COPB2: variants seen among roughly 807,000 people sequenced by gnomAD.
COPB2 encodes coat protein complex I subunit beta 2.
In COPB2, 16 loss-of-function variants were observed where a neutral mutation model predicts 120.8. The observed-to-expected ratio is 0.13, with a 90% CI of 0.09 to 0.20. The LOEUF (loss-of-function observed/expected upper bound fraction) is 0.20, where lower values mean the gene tolerates loss of function less well. Ranked by LOEUF, COPB2 falls within the 10% of genes least tolerant of loss-of-function variation. The pLI is 1.00. For synonymous variants in COPB2, 332 were observed against 366.3 expected, an observed-to-expected ratio of 0.91 and a Z score of 1.07; for missense variants, 794 against 1,076.5, an observed-to-expected ratio of 0.74 and a Z score of 3.67.
At chr3:139,358,405 A>T in intron 20 of COPB2, 134 bp from the exon 21 acceptor site, 1 of 769,658 alleles carries the variant, frequency 1.3e-6, no homozygotes, top group Non-Finnish European at 2.2e-6. Context: ...TCAGCCAGGC[A>T]CAGTGGCTCA....
rs1359646136 is a variant in COPB2, at chr3:139,357,610, G to GAGAT, written c.*249_*252dup. ...CCTTCATTAATTCAAAAGGTTTTATGAGATATGGTCTAATAGTATGAAAAA... is the reference window on the plus strand; with the variant it reads ...CCTTCATTAATTCAAAAGGTTTTATGAGATAGATATGGTCTAATAGTATGAAAAA... On this transcript the variant is annotated 3_prime_UTR_variant, in exon 22 of 22. Coordinates refer to ENST00000333188, the MANE Select transcript of COPB2 (RefSeq NM_004766.3). 3 of 320,610 alleles carry GAGAT rather than the reference G, an allele frequency of 9.4e-6. No homozygotes were observed. Among genetic ancestry groups the GAGAT allele is most frequent in the African/African-American group, 2.1e-5 (1 of 46,810 alleles). The allele number at this position is 320,610 out of a possible 1,614,324, so 19.9% of individuals were successfully genotyped here.
chr3:139,360,300 G>C (rs527592801), intron 17 of COPB2, among the ~76,000 whole-genome samples: 13 of 152,044 alleles, frequency 8.6e-5, no homozygotes, highest in Admixed American at 3.3e-4. Flanking sequence ...GAGGCAGGCG[G>C]ATCATTTGAG....
intron 1 of COPB2, among the ~76,000 whole-genome samples, chr3:139,383,718 T>C (rs1941855665): frequency 6.6e-6 from 1 of 152,206 alleles, no homozygotes; most frequent in Non-Finnish European, 1.5e-5. Flanking sequence ...CTTTTGTTTA[T>C]GTGAGTTTTA....
chr3:139,367,182 A>C, intron 13 of COPB2, 37 bp from the exon 14 acceptor site: 1 of 1,603,654 alleles, frequency 6.2e-7, no homozygotes, highest in Non-Finnish European at 8.5e-7. Flanking sequence ...ACTTTATCCA[A>C]CATCAGAAAT....
At chr3:139,369,610 G>T in intron 10 of COPB2, 66 bp from the exon 11 acceptor site, 4 of 946,528 alleles carry the variant, frequency 4.2e-6, no homozygotes, top group South Asian at 1.7e-5. Flanking sequence ...ACCAAATGTT[G>T]GAAATATCTT....
chr3:139,358,093 T>C, intron 21 of COPB2, 107 bp downstream of exon 21: 1 of 1,109,498 alleles, frequency 9.0e-7, no homozygotes, highest in Admixed American at 2.1e-5. Context: ...TCAAAGCCCC[T>C]GCTCTGAAAC....
At chr3:139,383,208 C>T (rs564923124) in intron 2 of COPB2, 90 bp downstream of exon 2, 2 of 1,456,680 alleles carry the variant, frequency 1.4e-6, no homozygotes, top group Non-Finnish European at 1.9e-6. Flanking sequence ...CATATAGATT[C>T]TGGATTCTGT....
intron 2 of COPB2, chr3:139,380,757 A>G (rs557315488): frequency 7.2e-5 from 11 of 152,318 alleles, no homozygotes; most frequent in African/African-American, 2.4e-4. Context: ...CAAAGGCTGA[A>G]TGAGTAGGCA....
At position 139,373,436 on chromosome 3, in the gene COPB2, C is replaced by T. The variant is rs761883666; in HGVS notation, c.895-24G>A. On this transcript the variant is annotated intron_variant, in intron 8 of 21. Transcript: ENST00000333188. ...AGCTGAAAGAAAGAAAAATAGCTCT[C>T]AGCAATGAAAAGGAAAATGAATAAA... The T allele has an allele frequency of 1.1e-5, 18 of 1,612,196 alleles. No homozygotes were observed. The highest frequency in any genetic ancestry group is 3.3e-5 in the Admixed American group (2 of 59,822).
At chr3:139,360,517 CAAAA>C (rs11439096) in intron 17 of COPB2, among the ~76,000 whole-genome samples, 2 of 88,398 alleles carry the variant, frequency 2.3e-5, no homozygotes, top group African/African-American at 5.0e-5. Context: ...GATTCCATCT[CAAAA>C]AAAAAAAAAA....
At chr3:139,367,261 C>T in intron 13 of COPB2, 116 bp from the exon 14 acceptor site, 6 of 1,238,460 alleles carry the variant, frequency 4.8e-6, no homozygotes, top group South Asian at 1.8e-5. Context: ...TAAAATCCTT[C>T]CTATTTCTAG....
chr3:139,377,831 G>A (rs763268092), intron 5 of COPB2, among the ~76,000 whole-genome samples: 5 of 152,134 alleles, frequency 3.3e-5, no homozygotes, highest in Admixed American at 1.3e-4. Context: ...ACAGAAAAAC[G>A]CTCCTCATTA....
At chr3:139,370,505 G>GA (rs1382392414) in intron 10 of COPB2, among the ~76,000 whole-genome samples, 1 of 152,212 alleles carries the variant, frequency 6.6e-6, no homozygotes, top group East Asian at 1.9e-4. Context: ...CAGATCGGGG[G>GA]ATCGCTGTAC....
intron 1 of COPB2, chr3:139,385,191 C>T (rs1192625895): frequency 2.0e-5 from 3 of 152,354 alleles, no homozygotes; most frequent in African/African-American, 4.8e-5. Context: ...GCGCATGCTA[C>T]CATGCCCAGC....
At position 139,373,216 on chromosome 3, in the gene COPB2, C is replaced by T; in HGVS notation, c.1091G>A (p.Gly364Glu). 1 of 1,613,888 alleles carries T rather than the reference C, an allele frequency of 6.2e-7. No individual in the cohort carries two copies. The highest frequency in any genetic ancestry group is 8.5e-7 in the Non-Finnish European group (1 of 1,179,828). ...YPQTIQHNPN[G>E]RFVVVCGDGE... ...GACAATTTTGGTGATGGCTTACCGC[C>T]CATTAGGATTGTGCTGAATAGTCTG... Residue 364 changes from glycine (G) to glutamate (E), a missense_variant, in exon 9 of 22, where the codon GGG (glycine) becomes GAG (glutamate). Around this residue, in one of 3 missense-constraint regions of COPB2, gnomAD observed 610 missense variants for 866.7 expected, o/e 0.70. Transcript: ENST00000333188.
rs143595739 is a variant in COPB2, at chr3:139,358,857, A to G, written c.2485-45T>C. 3.0e-4 allele frequency: 469 copies of G among 1,571,968 alleles called. 1 individual carries two copies. In the African/African-American group the frequency reaches 5.2e-3, roughly 17 times the overall value. The stretch of plus-strand genomic sequence containing the variant: ...TGATGAAATGAGATATTCTGAAATC[A>G]TAATTTACCTATGAACTTGGCCTAA... On this transcript the variant is annotated intron_variant, in intron 19 of 21. Transcript: ENST00000333188.
intron 5 of COPB2, among the ~76,000 whole-genome samples, chr3:139,377,525 G>A (rs747741410): frequency 5.3e-5 from 8 of 152,306 alleles, no homozygotes; most frequent in African/African-American, 1.4e-4. Context: ...AGGAGATGTC[G>A]CATAATATTA....
At chr3:139,364,678 G>T (rs144469438) in intron 15 of COPB2, among the ~76,000 whole-genome samples, 2 of 152,290 alleles carry the variant, frequency 1.3e-5, no homozygotes, top group Non-Finnish European at 2.9e-5. Flanking sequence ...TACATAAATG[G>T]AAAGTCATCA....
In COPB2 at chr3:139,379,463, G is replaced by A. The variant is rs745559346; in HGVS notation, c.145C>T (p.Leu49=). Reference sequence around the variant, plus strand: ...TCACATACTTCAAATGTCTTCACCAGTGTCTTTAAAATGTAACAAGAATAC... The same window carrying A: ...TCACATACTTCAAATGTCTTCACCAATGTCTTTAAAATGTAACAAGAATAC... ...VCVWNHETQT[L]VKTFEVCDLP... Residue 49 remains leucine (L), a synonymous_variant, in exon 3 of 22, where the codon CTG becomes TTG. Coordinates refer to ENST00000333188, the MANE Select transcript of COPB2 (RefSeq NM_004766.3). 1.9e-6 allele frequency: 3 copies of A among 1,613,000 alleles called. No individual in the cohort carries two copies. Among genetic ancestry groups the A allele is most frequent in the East Asian group, 2.2e-5 (1 of 44,856 alleles).
Sources: gnomAD v4.1 joint callset for allele counts (sites outside exome capture counted in the v4.1 genomes callset) on GRCh38, gnomAD v4.1.1 for gene constraint, gnomAD v4.1.1 regional missense constraint, MANE v1.5 for transcripts, NCBI Gene and HGNC (gene_info 2026-07-23, HGNC 2026-07-21) for gene names.